PTPN4: variants seen among roughly 807,000 people sequenced by gnomAD.
PTPN4 encodes protein tyrosine phosphatase non-receptor type 4.
PTPN4 carries 49 observed loss-of-function variants against 135.5 expected under a neutral mutation model. The ratio of observed to expected loss-of-function variants is 0.36; its 90% confidence interval spans 0.29 to 0.46. The LOEUF (loss-of-function observed/expected upper bound fraction) is 0.46. PTPN4 is among the 20% of genes least tolerant of loss of function. The pLI is 1.00. For missense variants in PTPN4, 860 were observed against 1,101.0 expected (o/e 0.78, Z 3.10); for synonymous variants, 333 against 369.9 (o/e 0.90, Z 1.14).
intron 19 of PTPN4, among the ~76,000 whole-genome samples, chr2:119,952,427 C>G (rs1225479040): frequency 7.2e-5 from 11 of 152,092 alleles, no homozygotes; most frequent in Admixed American, 6.6e-4. Flanking sequence ...CTGACATACT[C>G]TTTTTGATTT....
At chr2:119,876,757 C>G (rs1029387578) in intron 3 of PTPN4, among the ~76,000 whole-genome samples, 2 of 151,852 alleles carry the variant, frequency 1.3e-5, no homozygotes, top group Non-Finnish European at 2.9e-5. Context: ...AACATTATAT[C>G]TTTAAAAATT....
chr2:119,760,698 T>A (rs929276491), intron 1 of PTPN4, among the ~76,000 whole-genome samples: 1 of 150,438 alleles, frequency 6.6e-6, no homozygotes, highest in Non-Finnish European at 1.5e-5. Flanking sequence ...AGGTAAAGCT[T>A]TGGAATCTTG....
At chr2:119,810,805 TTA>T (rs776651190) in intron 2 of PTPN4, among the ~76,000 whole-genome samples, 4 of 152,222 alleles carry the variant, frequency 2.6e-5, no homozygotes, top group African/African-American at 9.6e-5. Flanking sequence ...CACATTTACT[TTA>T]TGTTTCCTTC....
intron 3 of PTPN4, 137 bp from the exon 4 acceptor site, chr2:119,877,186 C>T: frequency 5.4e-6 from 4 of 745,254 alleles, no homozygotes; most frequent in Non-Finnish European, 8.4e-6. Context: ...GTCTGTAATG[C>T]AATGATTTTT....
intron 1 of PTPN4, among the ~76,000 whole-genome samples, chr2:119,777,002 C>CT (rs1470944604): frequency 6.6e-6 from 1 of 152,154 alleles, no homozygotes; most frequent in Non-Finnish European, 1.5e-5. Context: ...GCTCAAAATC[C>CT]TTTAACGGCT....
At chr2:119,851,710 A>G (rs1331446069) in intron 2 of PTPN4, among the ~76,000 whole-genome samples, 1 of 152,152 alleles carries the variant, frequency 6.6e-6, no homozygotes, top group Non-Finnish European at 1.5e-5. Flanking sequence ...ATTTTATTGG[A>G]TGCCCTTTTT....
chr2:119,773,227 T>C (rs1395560042), intron 1 of PTPN4, among the ~76,000 whole-genome samples: 1 of 152,210 alleles, frequency 6.6e-6, no homozygotes, highest in Non-Finnish European at 1.5e-5. Context: ...CTGTTCATTC[T>C]AAGTTTTTGT....
At chr2:119,926,241 TTCTC>T (rs1025959480) in intron 12 of PTPN4, among the ~76,000 whole-genome samples, 102 of 152,294 alleles carry the variant, frequency 6.7e-4, no homozygotes, top group African/African-American at 2.3e-3. Context: ...GAAGATCAGT[TTCTC>T]TCTATCAACA....
intron 5 of PTPN4, 135 bp from the exon 6 acceptor site, chr2:119,881,651 T>C (rs1328869965): frequency 3.4e-6 from 2 of 583,446 alleles, no homozygotes; most frequent in Non-Finnish European, 5.7e-6. Flanking sequence ...TAAACTACTT[T>C]ACATGTTTTA....
In PTPN4 at chr2:119,950,301, G is replaced by A. The variant is rs565472510; in HGVS notation, c.1657-1672G>A. Among the ~76,000 whole-genome samples, 8 of 152,250 alleles carry A rather than the reference G, an allele frequency of 5.3e-5. No homozygotes were observed. The South Asian group carries it at 8.3e-4, about 16-fold the overall frequency. On this transcript the variant is annotated intron_variant, in intron 18 of 26. Transcript: ENST00000263708. ...AAGCATCATACTGCTAGTGCACAGA[G>A]GGAATATATGAATGTCTGTCATCTA...
intron 2 of PTPN4, among the ~76,000 whole-genome samples, chr2:119,836,268 T>G (rs2104966582): frequency 6.6e-6 from 1 of 152,338 alleles, no homozygotes; most frequent in Middle Eastern, 3.4e-3. Context: ...TTTGGCCTTC[T>G]TAGACTTTTC....
intron 2 of PTPN4, among the ~76,000 whole-genome samples, chr2:119,826,955 G>A (rs1024793980): frequency 6.6e-6 from 1 of 152,156 alleles, no homozygotes; most frequent in South Asian, 2.1e-4. Flanking sequence ...CTTGGGCCAG[G>A]AGTTCGAGGT....
intron 14 of PTPN4, 79 bp from the exon 15 acceptor site, chr2:119,934,721 G>C: frequency 7.1e-7 from 1 of 1,414,606 alleles, no homozygotes; most frequent in Non-Finnish European, 9.8e-7. Context: ...CCCCCTTTCT[G>C]ATGTAACCAT....
rs898075547 is a variant in PTPN4 at position 119,982,029 on chromosome 2, A to T, written c.*4959A>T. ...TGCATATACATAAGTAAACCAGTTT[A>T]AAAAAATTTTACTAAGCAAAAGGTA... On this transcript the variant is annotated 3_prime_UTR_variant, in exon 27 of 27. Coordinates refer to ENST00000263708, the MANE Select transcript of PTPN4 (RefSeq NM_002830.4). 2.6e-5 allele frequency: 4 copies of T among 152,278 alleles called. No individual in the cohort carries two copies. Among genetic ancestry groups the T allele is most frequent in the African/African-American group, 4.8e-5 (2 of 41,574 alleles). The allele number at this position is 152,278 out of a possible 1,614,324, so 9.4% of individuals were successfully genotyped here. A position where few individuals can be genotyped will look rare whatever the true frequency, so the allele number is the denominator to read the frequency against.
intron 25 of PTPN4, among the ~76,000 whole-genome samples, chr2:119,967,441 C>T (rs1574425286): frequency 6.7e-6 from 1 of 149,666 alleles, no homozygotes; most frequent in Non-Finnish European, 1.5e-5. Flanking sequence ...AGCGAGATTC[C>T]GTCTCAAAAA....
At chr2:119,893,181 T>G (rs1349551021) in intron 9 of PTPN4, among the ~76,000 whole-genome samples, 2 of 152,194 alleles carry the variant, frequency 1.3e-5, no homozygotes, top group Non-Finnish European at 2.9e-5. Context: ...AAGAGACTGT[T>G]GGAGTGATCC....
chr2:119,794,087 A>G (rs111904315), intron 1 of PTPN4, among the ~76,000 whole-genome samples: 3,849 of 151,822 alleles, frequency 0.025, 167 homozygotes, highest in African/African-American at 0.087. Context: ...GGCTCAAGCT[A>G]TCTGCCCACC....
Position 119,926,109 on chromosome 2 carries a change from G to T in PTPN4, c.1002-489G>T, listed in dbSNP as rs150912475. ...CATTAGATAGCTATATTTGTATATG[G>T]TTACATTTGATATACCGCAAATTTA... On this transcript the variant is annotated intron_variant, in intron 12 of 26. Coordinates refer to ENST00000263708, the MANE Select transcript of PTPN4 (RefSeq NM_002830.4). Among the ~76,000 whole-genome samples the T allele has an allele frequency of 2.6e-5, 4 of 152,254 alleles. No individual in the cohort carries two copies. The East Asian group carries it at 7.7e-4, about 29-fold the overall frequency.
chr2:119,844,311 G>A lies in PTPN4; in HGVS notation c.139-18225G>A, dbSNP rs868441282. Among the ~76,000 whole-genome samples the A allele has an allele frequency of 1.3e-3, 171 of 134,172 alleles. 2 individuals carry two copies. The highest frequency in any genetic ancestry group is 4.1e-3 in the African/African-American group (145 of 35,376). The allele number at this position is 134,172 out of a possible 152,430, so 88.0% of individuals were successfully genotyped here. A position where few individuals can be genotyped will look rare whatever the true frequency, so the allele number is the denominator to read the frequency against. On this transcript the variant is annotated intron_variant, in intron 2 of 26. Transcript: ENST00000263708. ...CCCCCACCTCCCTCCCGGACGGGGCGGCTGGCCGGACGGGGCGGCTGGCCG... is the reference window on the plus strand; with the variant it reads ...CCCCCACCTCCCTCCCGGACGGGGCAGCTGGCCGGACGGGGCGGCTGGCCG...
Sources: gnomAD v4.1 joint callset for allele counts (sites outside exome capture counted in the v4.1 genomes callset) on GRCh38, gnomAD v4.1.1 for gene constraint, MANE v1.5 for transcripts, NCBI Gene and HGNC (gene_info 2026-07-23, HGNC 2026-07-21) for gene names.